Variants in NMNAT2 observed in about 807,000 individuals in gnomAD.
NMNAT2 encodes nicotinamide nucleotide adenylyltransferase 2, also known as nicotinamide/nicotinic acid mononucleotide adenylyltransferase 2.
NMNAT2 carries 11 observed loss-of-function variants against 41.6 expected under a neutral mutation model. The observed-to-expected ratio is 0.26, with a 90% CI of 0.17 to 0.44. NMNAT2 has a LOEUF of 0.44. Ranked by LOEUF, NMNAT2 falls within the 20% of genes least tolerant of loss-of-function variation. NMNAT2 has a pLI of 1.00. For missense variants in NMNAT2, 288 were observed against 407.7 expected (o/e 0.71, Z 2.53); for synonymous variants, 148 against 151.2 (o/e 0.98, Z 0.16).
At chr1:183,321,901 C>G (rs1271528604) in intron 1 of NMNAT2, among the ~76,000 whole-genome samples, 1 of 152,176 alleles carries the variant, frequency 6.6e-6, no homozygotes, top group Non-Finnish European at 1.5e-5. Flanking sequence ...TCACTGCAGC[C>G]TCGACCTCCT....
intron 1 of NMNAT2, among the ~76,000 whole-genome samples, chr1:183,374,888 T>C (rs1313112972): frequency 6.6e-6 from 1 of 152,218 alleles, no homozygotes; most frequent in Non-Finnish European, 1.5e-5. Flanking sequence ...ACAATGCAAC[T>C]GGAAGACTTT....
chr1:183,326,504 C>T (rs1405396527), intron 1 of NMNAT2, among the ~76,000 whole-genome samples: 1 of 151,644 alleles, frequency 6.6e-6, no homozygotes, highest in Non-Finnish European at 1.5e-5. Flanking sequence ...GATCCAGGGG[C>T]AGACTTAGAA....
At chr1:183,276,585 T>A (rs138826766) in intron 8 of NMNAT2, among the ~76,000 whole-genome samples, 1 of 152,178 alleles carries the variant, frequency 6.6e-6, no homozygotes, top group Non-Finnish European at 1.5e-5. Context: ...TCCTCACCCA[T>A]CACACTTAGT....
At chr1:183,332,269 G>A (rs545625831) in intron 1 of NMNAT2, among the ~76,000 whole-genome samples, 2 of 152,306 alleles carry the variant, frequency 1.3e-5, no homozygotes, top group South Asian at 4.1e-4. Flanking sequence ...AGGGCCCAGA[G>A]TCTTAAAGTT....
chr1:183,352,852 T>C (rs956314131), intron 1 of NMNAT2, among the ~76,000 whole-genome samples: 2 of 152,136 alleles, frequency 1.3e-5, no homozygotes, highest in Non-Finnish European at 2.9e-5. Context: ...CTGAAGTACT[T>C]TGCAGCTCTG....
intron 1 of NMNAT2, among the ~76,000 whole-genome samples, chr1:183,310,703 C>T (rs1478330575): frequency 6.6e-6 from 1 of 152,150 alleles, no homozygotes; most frequent in South Asian, 2.1e-4. Flanking sequence ...AGGACAGCCC[C>T]ACAACAAAGA....
intron 1 of NMNAT2, among the ~76,000 whole-genome samples, chr1:183,372,220 G>A (rs1663560642): frequency 3.9e-5 from 6 of 152,162 alleles, no homozygotes. Context: ...GCCTCTCAAG[G>A]AACTGTACTG....
intron 1 of NMNAT2, among the ~76,000 whole-genome samples, chr1:183,297,391 T>C (rs929630679): frequency 2.0e-5 from 3 of 151,906 alleles, no homozygotes; most frequent in African/African-American, 7.2e-5. Context: ...CCCTTTTTTT[T>C]TTTTTTTTGA....
intron 8 of NMNAT2, among the ~76,000 whole-genome samples, chr1:183,273,841 C>CCTTCCTT (rs1661051452): frequency 6.3e-5 from 5 of 79,162 alleles, no homozygotes; most frequent in African/African-American, 2.0e-4. Flanking sequence ...CTCCCTCCCT[C>CCTTCCTT]CCTTCCTTCC....
chr1:183,376,571 G>A (rs185598402), intron 1 of NMNAT2, among the ~76,000 whole-genome samples: 30 of 152,276 alleles, frequency 2.0e-4, no homozygotes, highest in Admixed American at 8.5e-4. Context: ...GCCATGATGC[G>A]ATGACAGGTG....
At chr1:183,388,823 C>T (rs1648337344) in intron 1 of NMNAT2, among the ~76,000 whole-genome samples, 2 of 152,192 alleles carry the variant, frequency 1.3e-5, no homozygotes, top group South Asian at 2.1e-4. Flanking sequence ...TAGAACAATG[C>T]CTGGCACACA....
At chr1:183,389,824 GAAAGAAAGAAAGAAAGAAAGGAAAAAA>G (rs1648408182) in intron 1 of NMNAT2, among the ~76,000 whole-genome samples, 1 of 54,336 alleles carries the variant, frequency 1.8e-5, no homozygotes, top group Non-Finnish European at 3.6e-5. Flanking sequence ...AAGAAAGAAA[GAAAGAAAGAAAGAAAGAAAGGAAAAAA>G]GAGAAAGAAA....
At chr1:183,372,895 C>A (rs773919116) in intron 1 of NMNAT2, among the ~76,000 whole-genome samples, 2 of 152,198 alleles carry the variant, frequency 1.3e-5, no homozygotes, top group African/African-American at 4.8e-5. Context: ...AGGTTAATAT[C>A]GCAGGGCCTG....
At chr1:183,337,692 TTC>T (rs1662706081) in intron 1 of NMNAT2, among the ~76,000 whole-genome samples, 2 of 152,084 alleles carry the variant, frequency 1.3e-5, no homozygotes, top group African/African-American at 2.4e-5. Flanking sequence ...CAGCCGAAGC[TTC>T]TCTCTGCTGG....
rs576293868 is a variant in NMNAT2, at chr1:183,309,793, C to G, written c.86-16000G>C. ...CGAAAACCTGTACAAAATTCATAAG[C>G]AAGGATAAGGTCCCACAGCCTCATG... On this transcript the variant is annotated intron_variant, in intron 1 of 10. Transcript: ENST00000287713. 1.4e-3 allele frequency among the ~76,000 whole-genome samples: 209 copies of G among 152,282 alleles called. 1 individual carries two copies. Among genetic ancestry groups the G allele is most frequent in the African/African-American group, 4.8e-3 (198 of 41,562 alleles).
chr1:183,306,882 G>A (rs1662005740), intron 1 of NMNAT2, among the ~76,000 whole-genome samples: 2 of 152,184 alleles, frequency 1.3e-5, no homozygotes, highest in African/African-American at 4.8e-5. Flanking sequence ...CTCATCCCTA[G>A]GCTGGAGGTA....
At chr1:183,262,383 G>GT (rs1276350178) in intron 8 of NMNAT2, among the ~76,000 whole-genome samples, 2 of 150,546 alleles carry the variant, frequency 1.3e-5, no homozygotes, top group East Asian at 3.9e-4. Flanking sequence ...TATATCTGTA[G>GT]TTTTTTCTCT....
Position 183,418,253 on chromosome 1 carries a change from G to C in NMNAT2, c.15C>G (p.Thr5=). The change falls in exon 1 of 11, where the codon ACC becomes ACG. Residue 5 remains threonine, a synonymous_variant. Transcript: ENST00000287713. The part of the protein sequence containing the change: MTET[T]KTHVILLACG... ...AGGCGAGCAAGATAACGTGGGTCTT[G>C]GTGGTCTCGGTCATGGTGCAGATGG... The C allele has an allele frequency of 1.2e-6, 2 of 1,614,120 alleles. No individual in the cohort carries two copies. Among genetic ancestry groups the C allele is most frequent in the Non-Finnish European group, 1.7e-6 (2 of 1,180,010 alleles).
chr1:183,377,021 T>A (rs187022061), intron 1 of NMNAT2, among the ~76,000 whole-genome samples: 1 of 152,224 alleles, frequency 6.6e-6, no homozygotes, highest in African/African-American at 2.4e-5. Context: ...GAACAGCAAC[T>A]GCTGGAATTT....
Sources: gnomAD v4.1 joint callset for allele counts (sites outside exome capture counted in the v4.1 genomes callset) on GRCh38, gnomAD v4.1.1 for gene constraint, MANE v1.5 for transcripts, NCBI Gene and HGNC (gene_info 2026-07-23, HGNC 2026-07-21) for gene names.